ZMYM6: variants seen among roughly 807,000 people sequenced by gnomAD.
ZMYM6 encodes the protein zinc finger MYM-type protein 6.
A neutral mutation model predicts 134.0 loss-of-function variants in ZMYM6; 90 were observed. The observed-to-expected ratio is 0.67, with a 90% CI of 0.57 to 0.80. The LOEUF (loss-of-function observed/expected upper bound fraction) is 0.80, where lower values mean the gene tolerates loss of function less well. ZMYM6 is among the 30% of genes least tolerant of loss of function. The pLI is 0.00. For missense variants in ZMYM6, 1,362 were observed against 1,533.9 expected, an observed-to-expected ratio of 0.89 and a Z score of 1.87; for synonymous variants, 481 against 524.1, an observed-to-expected ratio of 0.92 and a Z score of 1.12.
intron 2 of ZMYM6, among the ~76,000 whole-genome samples, chr1:35,020,856 C>A (rs980036811): frequency 6.6e-6 from 1 of 152,046 alleles, no homozygotes; most frequent in Non-Finnish European, 1.5e-5. Context: ...CAGGCGTGAG[C>A]CACCACACCC....
intron 2 of ZMYM6, chr1:35,030,202 G>T (rs1053181498): frequency 4.4e-5 from 8 of 181,228 alleles, no homozygotes; most frequent in African/African-American, 1.9e-4. Context: ...GGCCAAGGTG[G>T]GTGGATTGCT....
At chr1:35,026,856 A>G (rs1451793811) in intron 2 of ZMYM6, among the ~76,000 whole-genome samples, 1 of 152,186 alleles carries the variant, frequency 6.6e-6, no homozygotes, top group Non-Finnish European at 1.5e-5. Flanking sequence ...TTGGAGATTC[A>G]GGTCAATAAG....
intron 2 of ZMYM6, among the ~76,000 whole-genome samples, chr1:35,029,860 G>A (rs779641706): frequency 6.6e-6 from 1 of 152,118 alleles, no homozygotes; most frequent in Non-Finnish European, 1.5e-5. Context: ...CAGAGTACTT[G>A]TCATAGTTTG....
intron 2 of ZMYM6, 86 bp from the exon 3 acceptor site, chr1:35,020,553 T>A: frequency 3.0e-5 from 19 of 623,556 alleles, no homozygotes; most frequent in Non-Finnish European, 4.6e-5. Flanking sequence ...AAAATTATTC[T>A]ATCCTATTCA....
intron 4 of ZMYM6, among the ~76,000 whole-genome samples, chr1:35,016,671 T>C (rs1641193047): frequency 6.6e-6 from 1 of 152,164 alleles, no homozygotes; most frequent in Non-Finnish European, 1.5e-5. Context: ...AATTACCCAA[T>C]TTAAATACCA....
In ZMYM6 at chr1:35,015,042, G is replaced by GGTAACAAC; in HGVS notation, c.541_548dup (p.Ile184LeufsTer52). 6.2e-7 allele frequency: 1 copy of GGTAACAAC among 1,613,740 alleles called. No individual in the cohort carries two copies. The highest frequency in any genetic ancestry group is 8.5e-7 in the Non-Finnish European group (1 of 1,179,946). On this transcript the variant is annotated frameshift_variant, in exon 5 of 16. Transcript: ENST00000357182. LOFTEE classifies it high-confidence loss of function. ...TAGTTGAAATGCTTTTGGTATATAT[G>GGTAACAAC]GTAACAACAGGTTTTTTCTTTAGCT...
At chr1:35,007,357 G>C (rs532616804) in intron 11 of ZMYM6, among the ~76,000 whole-genome samples, 1 of 152,122 alleles carries the variant, frequency 6.6e-6, no homozygotes, top group Non-Finnish European at 1.5e-5. Flanking sequence ...TTAGGAGGCC[G>C]AGGTGGGCGG....
In ZMYM6 at chr1:35,010,968, T is replaced by A; in HGVS notation, c.1131A>T (p.Val377=). The change falls in exon 9 of 16, where the codon GTA becomes GTT. Residue 377 remains valine, a synonymous_variant. Coordinates refer to ENST00000357182, the MANE Select transcript of ZMYM6 (RefSeq NM_007167.4). ...CTGCTGACCTGGAGGAGGGCGGGCT[T>A]ACAACCACTTGGCCCTGAGACAGGG... ...AVPLSQGQVV[V]SPPSSRSAVS... The A allele has an allele frequency of 6.2e-7, 1 of 1,613,834 alleles. No individual in the cohort carries two copies.
At chr1:34,992,583 C>A (rs2148442765) in intron 14 of ZMYM6, among the ~76,000 whole-genome samples, 196 bp from the exon 15 acceptor site, 1 of 140,948 alleles carries the variant, frequency 7.1e-6, no homozygotes, top group South Asian at 2.2e-4. Flanking sequence ...GTTTAATTTA[C>A]TGATTTTAAA....
intron 4 of ZMYM6, among the ~76,000 whole-genome samples, chr1:35,015,743 A>AAAAAAAAAAAAATATATATATATAT: frequency 2.8e-5 from 3 of 106,470 alleles, no homozygotes; most frequent in African/African-American, 2.0e-4. Context: ...AAAAAAAAAA[A>AAAAAAAAAAAAATATATATATATAT]ATATATATAT....
intron 10 of ZMYM6, among the ~76,000 whole-genome samples, chr1:35,009,764 G>A (rs1451170494): frequency 1.3e-5 from 2 of 151,470 alleles, no homozygotes; most frequent in African/African-American, 2.4e-5. Flanking sequence ...GAAACCCCCC[G>A]TCTCTACCAA....
Position 34,988,624 on chromosome 1 carries a change from T to G in ZMYM6, c.2458A>C (p.Lys820Gln). 2 of 1,548,852 alleles carry G rather than the reference T, an allele frequency of 1.3e-6. No individual in the cohort carries two copies. The highest frequency in any genetic ancestry group is 2.7e-5 in the African/African-American group (2 of 72,986). Residue 820 changes from lysine (K) to glutamine (Q), a missense_variant, in exon 16 of 16, where the codon AAG becomes CAG. Around this residue, in one of 3 missense-constraint regions of ZMYM6, gnomAD observed 824 missense variants for 940.9 expected, o/e 0.88. Transcript: ENST00000357182. The part of the protein sequence containing the change: ...EMECQNSSLK[K>Q]CLLVEKSLVK... Reference sequence around the variant, plus strand: ...AGTGACTTTTCAACTAGTAAACACTTTTTTAAAGAACTATTTTGACATTCC... The same window carrying G: ...AGTGACTTTTCAACTAGTAAACACTGTTTTAAAGAACTATTTTGACATTCC...
intron 14 of ZMYM6, among the ~76,000 whole-genome samples, chr1:35,001,510 TAC>T (rs1292333893): frequency 6.6e-6 from 1 of 152,096 alleles, no homozygotes; most frequent in Non-Finnish European, 1.5e-5. Context: ...ATCTCATATA[TAC>T]AGAGGAAAGA....
At chr1:34,994,015 A>AG (rs1640732314) in intron 14 of ZMYM6, among the ~76,000 whole-genome samples, 1 of 152,202 alleles carries the variant, frequency 6.6e-6, no homozygotes, top group Non-Finnish European at 1.5e-5. Flanking sequence ...CCAAAAAAAA[A>AG]AAAAACTTCT....
In ZMYM6 at chr1:34,986,297, C is replaced by A. The variant is rs1403066477; in HGVS notation, c.*807G>T. ...TGGCCTGCAAAGCTGAAAATATTTA[C>A]TATCTGGCTCTTTATTTAAAAAGTT... On this transcript the variant is annotated 3_prime_UTR_variant, in exon 16 of 16. Transcript: ENST00000357182. 6.6e-6 allele frequency: 1 copy of A among 152,218 alleles called. No homozygotes were observed. The highest frequency in any genetic ancestry group is 1.5e-5 in the Non-Finnish European group (1 of 68,036). The allele number at this position is 152,218 out of a possible 1,614,324, so 9.4% of individuals were successfully genotyped here. A position where few individuals can be genotyped will look rare whatever the true frequency, so the allele number is the denominator to read the frequency against.
chr1:34,987,604 C>T lies in ZMYM6; in HGVS notation c.3478G>A (p.Glu1160Lys). ...KLKMWLKRTQ[E>K]NDYDMFPSFS... Reference sequence around the variant, plus strand: ...GAAGGGAACATGTCATAATCATTCTCTTGTGTGCGCTTCAACCACATTTTT... The same window carrying T: ...GAAGGGAACATGTCATAATCATTCTTTTGTGTGCGCTTCAACCACATTTTT... Residue 1160 changes from glutamate (E) to lysine (K), a missense_variant, in exon 16 of 16, where the codon GAG becomes AAG. Transcript: ENST00000357182. 1 of 1,610,380 alleles carries T rather than the reference C, an allele frequency of 6.2e-7. No homozygotes were observed. The highest frequency in any genetic ancestry group is 1.1e-5 in the South Asian group (1 of 90,510).
chr1:35,027,699 G>A (rs550407467), intron 2 of ZMYM6, among the ~76,000 whole-genome samples: 2 of 151,940 alleles, frequency 1.3e-5, no homozygotes, highest in South Asian at 2.1e-4. Context: ...TCCAGTATGG[G>A]CAACAAAGTG....
At chr1:35,028,869 ATC>A (rs939119509) in intron 2 of ZMYM6, among the ~76,000 whole-genome samples, 4 of 151,920 alleles carry the variant, frequency 2.6e-5, no homozygotes, top group African/African-American at 9.7e-5. Flanking sequence ...CCAAACACAA[ATC>A]TGTTTCATCT....
Position 35,007,025 on chromosome 1 carries a change from T to C in ZMYM6, c.1739A>G (p.His580Arg), listed in dbSNP as rs773518065. Reference sequence around the variant, plus strand: ...CAAGACACAAAATAGGTTACAGAAATGTTTAATGTTGCCTCGCCACTTTAT... The same window carrying C: ...CAAGACACAAAATAGGTTACAGAAACGTTTAATGTTGCCTCGCCACTTTAT... Reference protein sequence around the residue: ...ESIKWRGNIKHFCNLFCVLEF... With the variant: ...ESIKWRGNIKRFCNLFCVLEF... The change falls in exon 12 of 16, where the codon CAT becomes CGT. Residue 580 changes from histidine to arginine, a missense_variant. His to Arg is a conservative substitution (Grantham distance 29). Around this residue, in one of 3 missense-constraint regions of ZMYM6, gnomAD observed 824 missense variants for 940.9 expected, o/e 0.88. Coordinates refer to ENST00000357182, the MANE Select transcript of ZMYM6 (RefSeq NM_007167.4). 1 of 1,613,736 alleles carries C rather than the reference T, an allele frequency of 6.2e-7. No homozygotes were observed. Among genetic ancestry groups the C allele is most frequent in the Non-Finnish European group, 8.5e-7 (1 of 1,179,858 alleles).
Sources: gnomAD v4.1 joint callset for allele counts (sites outside exome capture counted in the v4.1 genomes callset) on GRCh38, gnomAD v4.1.1 for gene constraint, gnomAD v4.1.1 regional missense constraint, MANE v1.5 for transcripts, NCBI Gene and HGNC (gene_info 2026-07-23, HGNC 2026-07-21) for gene names.